Variants in ZDBF2 observed in about 807,000 individuals in gnomAD.
ZDBF2 encodes zinc finger DBF-type containing 2, also known as DBF4-type zinc finger-containing protein 2.
ZDBF2 carries 6 observed loss-of-function variants against 9.4 expected under a neutral mutation model. The ratio of observed to expected loss-of-function variants is 0.64; its 90% CI spans 0.35 to 1.27. ZDBF2 has a LOEUF of 1.27. Ranked by LOEUF, ZDBF2 falls within the 50% of genes most tolerant of loss-of-function variation. The pLI is 0.03. For synonymous variants in ZDBF2, 905 were observed against 946.3 expected, an observed-to-expected ratio of 0.96 and a Z score of 0.80; for missense variants, 2,697 against 2,766.8, an observed-to-expected ratio of 0.97 and a Z score of 0.57.
In ZDBF2 at chr2:206,287,567, T is replaced by G. The variant is rs553482199; in HGVS notation, c.60+5658T>G. Among the ~76,000 whole-genome samples the G allele has an allele frequency of 9.2e-5, 14 of 152,332 alleles. No homozygotes were observed. The East Asian group carries it at 2.7e-3, about 29-fold the overall frequency. On this transcript the variant is annotated intron_variant, in intron 3 of 4. Transcript: ENST00000374423. The stretch of plus-strand genomic sequence containing the variant: ...GGAGGACCTTTTTGGGTTGAATGTA[T>G]TTGGGATTCTTTGAGGTTCTCATAT...
chr2:206,281,801 C>A lies in ZDBF2; in HGVS notation c.-49C>A. ...TACCATTTTTCTTTTTGTTTTTCAG[C>A]TTGAGTATTCAAAGACAGTAGCCAT... On this transcript the variant is annotated splice_region_variant and 5_prime_UTR_variant, in exon 3 of 5. Transcript: ENST00000374423. 6.4e-7 allele frequency: 1 copy of A among 1,560,414 alleles called. No individual in the cohort carries two copies. The highest frequency in any genetic ancestry group is 8.8e-7 in the Non-Finnish European group (1 of 1,139,510).
chr2:206,311,041 A>G lies in ZDBF2; in HGVS notation c.6513A>G (p.Gln2171=), dbSNP rs200623669. ...KSVRNKLLES[Q]SKKKIHGKRV... ...TTAGAAATAAGCTTTTGGAAAGTCAAAGTAAAAAGAAAATTCATGGAAAGA... is the reference window on the plus strand; with the variant it reads ...TTAGAAATAAGCTTTTGGAAAGTCAGAGTAAAAAGAAAATTCATGGAAAGA... The change falls in exon 5 of 5, where the codon CAA becomes CAG. Residue 2171 remains glutamine, a synonymous_variant. Transcript: ENST00000374423. The G allele has an allele frequency of 3.7e-6, 6 of 1,610,114 alleles. No homozygotes were observed. Among genetic ancestry groups the G allele is most frequent in the Non-Finnish European group, 5.1e-6 (6 of 1,179,018 alleles).
Position 206,313,816 on chromosome 2 carries a change from A to T in ZDBF2, c.*2223A>T. The T allele has an allele frequency of 6.6e-6, 1 of 152,172 alleles. No homozygotes were observed. The highest frequency in any genetic ancestry group is 1.9e-4 in the East Asian group (1 of 5,202). The allele number at this position is 152,172 out of a possible 1,614,324, so 9.4% of individuals were successfully genotyped here. ...AAGGTTTATATTTAAATTTTATATTACCAGACATAAAAGTACAGTGCAGTA... is the reference window on the plus strand; with the variant it reads ...AAGGTTTATATTTAAATTTTATATTTCCAGACATAAAAGTACAGTGCAGTA... On this transcript the variant is annotated 3_prime_UTR_variant, in exon 5 of 5. Transcript: ENST00000374423.
At chr2:206,275,938 AT>A (rs1254841114) in intron 1 of ZDBF2, among the ~76,000 whole-genome samples, 1 of 152,250 alleles carries the variant, frequency 6.6e-6, no homozygotes, top group African/African-American at 2.4e-5. Context: ...TAGAGAGTTG[AT>A]AAAGTATCAC....
intron 3 of ZDBF2, among the ~76,000 whole-genome samples, chr2:206,284,786 T>G (rs1038363352): frequency 2.6e-5 from 4 of 152,206 alleles, no homozygotes; most frequent in African/African-American, 9.6e-5. Flanking sequence ...TGGAGTGCAG[T>G]GGCATGATCT....
chr2:206,309,673 T>G lies in ZDBF2; in HGVS notation c.5145T>G (p.Ser1715=). Reference sequence around the variant, plus strand: ...CTTCTGCAGTGGATTTTGGTGCCTCTTCCAAGTCAGCGCTCCATCGAAGGG... The same window carrying G: ...CTTCTGCAGTGGATTTTGGTGCCTCGTCCAAGTCAGCGCTCCATCGAAGGG... ...SSASAVDFGA[S]SKSALHRRAD... is the part of the protein sequence containing the mutation. The change falls in exon 5 of 5, where the codon TCT becomes TCG. Residue 1715 remains serine, a synonymous_variant. Transcript: ENST00000374423. 1 of 1,613,892 alleles carries G rather than the reference T, an allele frequency of 6.2e-7. No individual in the cohort carries two copies. The highest frequency in any genetic ancestry group is 8.5e-7 in the Non-Finnish European group (1 of 1,179,860).
intron 3 of ZDBF2, among the ~76,000 whole-genome samples, chr2:206,294,562 A>T (rs1182640404): frequency 6.6e-6 from 1 of 152,112 alleles, no homozygotes; most frequent in Non-Finnish European, 1.5e-5. Flanking sequence ...TGTGATGCTG[A>T]GGTTTGGGGT....
chr2:206,310,374 GT>G lies in ZDBF2; in HGVS notation c.5848del (p.Cys1950ValfsTer6). Reference sequence around the variant, plus strand: ...AAAATCAGCCATAGTACTCAGACCAGTTGTAAGAATTACCCAGTGATGAAAA... The same window carrying G: ...AAAATCAGCCATAGTACTCAGACCAGTGTAAGAATTACCCAGTGATGAAAA... Reference protein sequence around the residue: ...TAKISHSTQTSCKNYPVMKRK... With the variant: ...TAKISHSTQTXCKNYPVMKRK... On this transcript the variant is annotated frameshift_variant, in exon 5 of 5. Transcript: ENST00000374423. LOFTEE classifies it low-confidence loss of function (END_TRUNC). 6.2e-7 allele frequency: 1 copy of G among 1,613,890 alleles called. No individual in the cohort carries two copies. The highest frequency in any genetic ancestry group is 1.1e-5 in the South Asian group (1 of 91,066).
intron 4 of ZDBF2, among the ~76,000 whole-genome samples, chr2:206,303,026 A>G (rs1050312945): frequency 6.6e-6 from 1 of 152,090 alleles, no homozygotes; most frequent in Non-Finnish European, 1.5e-5. Flanking sequence ...TTAATGTGAT[A>G]TATTTGTTAT....
chr2:206,290,770 T>C (rs896905200), intron 3 of ZDBF2, among the ~76,000 whole-genome samples: 4 of 152,220 alleles, frequency 2.6e-5, no homozygotes, highest in Admixed American at 2.6e-4. Context: ...GGATTTTCTA[T>C]GTACTACATT....
At chr2:206,276,673 G>A (rs752293150) in intron 1 of ZDBF2, among the ~76,000 whole-genome samples, 10 of 152,188 alleles carry the variant, frequency 6.6e-5, no homozygotes, top group Non-Finnish European at 1.2e-4. Context: ...CCTGCAACAA[G>A]ATACCTCTTT....
rs762401651 is a variant in ZDBF2 at position 206,309,781 on chromosome 2, G to T, written c.5253G>T (p.Gln1751His). 4.6e-5 allele frequency: 75 copies of T among 1,613,844 alleles called. No homozygotes were observed. The highest frequency in any genetic ancestry group is 6.6e-5 in the South Asian group (6 of 91,078). Residue 1751 changes from glutamine (Q) to histidine (H), a missense_variant, in exon 5 of 5, where the codon CAG (glutamine) becomes CAT (histidine). Transcript: ENST00000374423. ...CEPDGFEMNF[Q>H]CAPPLPSDTD... Reference sequence around the variant, plus strand: ...CGGATGGTTTTGAGATGAATTTTCAGTGTGCTCCCCCTCTTCCATCTGATA... The same window carrying T: ...CGGATGGTTTTGAGATGAATTTTCATTGTGCTCCCCCTCTTCCATCTGATA...
chr2:206,296,418 C>A (rs914498304), intron 3 of ZDBF2, among the ~76,000 whole-genome samples: 3 of 152,090 alleles, frequency 2.0e-5, no homozygotes, highest in South Asian at 2.1e-4. Flanking sequence ...GTTCAAGTAA[C>A]CCTTATTTTA....
Position 206,274,788 on chromosome 2 carries a change from G to T in ZDBF2, c.-261G>T, listed in dbSNP as rs1352084888. ...TTCTCGCCTCCGGACCGCAGGGGCC[G>T]AAGTCGCCTATTTCTGGCTCCGCGG... On this transcript the variant is annotated 5_prime_UTR_variant, in exon 1 of 5. Transcript: ENST00000374423. The T allele has an allele frequency of 1.3e-5, 2 of 152,186 alleles. No individual in the cohort carries two copies. Among genetic ancestry groups the T allele is most frequent in the Non-Finnish European group, 2.9e-5 (2 of 68,030 alleles). The allele number at this position is 152,186 out of a possible 1,614,324, so 9.4% of individuals were successfully genotyped here.
chr2:206,279,789 C>A (rs534348373), intron 2 of ZDBF2, among the ~76,000 whole-genome samples, 197 bp downstream of exon 2: 7 of 152,034 alleles, frequency 4.6e-5, no homozygotes, highest in Non-Finnish European at 8.8e-5. Context: ...TCACCTTGAG[C>A]ATTTTATTTT....
In ZDBF2 at chr2:206,305,125, A is replaced by T; in HGVS notation, c.597A>T (p.Pro199=). The T allele has an allele frequency of 6.2e-7, 1 of 1,613,816 alleles. No homozygotes were observed. The highest frequency in any genetic ancestry group is 8.5e-7 in the Non-Finnish European group (1 of 1,179,820). ...SCLPESSNDR[P]VTANTTSLPP... The stretch of plus-strand genomic sequence containing the variant: ...TACCTGAAAGCTCTAACGATAGACC[A>T]GTTACAGCTAATACAACTAGTTTAC... Residue 199 remains proline (P), a synonymous_variant, in exon 5 of 5, where the codon CCA becomes CCT. Transcript: ENST00000374423.
Position 206,309,051 on chromosome 2 carries a change from T to C in ZDBF2, c.4523T>C (p.Ile1508Thr), listed in dbSNP as rs1486874993. 6.2e-7 allele frequency: 1 copy of C among 1,613,856 alleles called. No individual in the cohort carries two copies. The highest frequency in any genetic ancestry group is 8.5e-7 in the Non-Finnish European group (1 of 1,179,858). ...MMYDSDVPFQ[I>T]VVNQFPGSVK... ...TATGATTCTGATGTTCCTTTTCAAA[T>C]AGTAGTTAACCAATTTCCAGGATCA... The change falls in exon 5 of 5, where the codon ATA becomes ACA. Residue 1508 changes from isoleucine to threonine, a missense_variant. This residue lies in a region of ZDBF2 where 1,783 missense variants were observed against 1,776.5 expected (regional missense o/e 1.00). Coordinates refer to ENST00000374423, the MANE Select transcript of ZDBF2 (RefSeq NM_020923.3).
At chr2:206,282,298 G>A (rs1029604600) in intron 3 of ZDBF2, among the ~76,000 whole-genome samples, 2 of 152,164 alleles carry the variant, frequency 1.3e-5, no homozygotes, top group Non-Finnish European at 2.9e-5. Flanking sequence ...GATTTTCTAG[G>A]TAGAGGGAAG....
chr2:206,304,568 T>C (rs1475946456), intron 4 of ZDBF2, 149 bp from the exon 5 acceptor site: 6 of 901,378 alleles, frequency 6.7e-6, no homozygotes, highest in African/African-American at 1.7e-5. Flanking sequence ...CTGTGGTCCA[T>C]GCAGTGTTCA....
Sources: allele counts gnomAD v4.1 joint callset (sites outside exome capture counted in the v4.1 genomes callset), GRCh38; gene constraint gnomAD v4.1.1; regional missense constraint gnomAD v4.1.1; transcripts MANE v1.5; gene names NCBI Gene and HGNC (gene_info 2026-07-23, HGNC 2026-07-21).